Variants in PDE6A observed in about 807,000 individuals in gnomAD.
PDE6A encodes phosphodiesterase 6A, also known as rod cGMP-specific 3',5'-cyclic phosphodiesterase subunit alpha.
A neutral mutation model predicts 106.3 loss-of-function variants in PDE6A; 84 were observed. That is an observed-to-expected ratio of 0.79 (90% CI 0.66 to 0.95). The LOEUF is 0.95. PDE6A is among the 40% of genes least tolerant of loss of function. PDE6A has a pLI of 0.00. For synonymous variants in PDE6A, 394 were observed against 386.6 expected (o/e 1.02, Z -0.23); for missense variants, 1,052 against 1,084.9 (o/e 0.97, Z 0.43).
Position 149,860,723 on chromosome 5 carries a change from C to T in PDE6A, c.*172G>A, listed in dbSNP as rs1229793145. On this transcript the variant is annotated 3_prime_UTR_variant, in exon 22 of 22. Transcript: ENST00000255266. ...TTATGTGTGACCCAAGACAATTCTT[C>T]CAATGTGGCCCAGGGAAGCCAAAAG... The T allele has an allele frequency of 3.6e-6, 2 of 553,032 alleles. No homozygotes were observed. The highest frequency in any genetic ancestry group is 3.8e-5 in the African/African-American group (2 of 53,146). 34.3% of individuals were successfully genotyped at this position (553,032 alleles called of 1,614,324 possible).
intron 19 of PDE6A, 57 bp from the exon 20 acceptor site, chr5:149,866,310 C>A: frequency 8.3e-7 from 1 of 1,202,122 alleles, no homozygotes; most frequent in Non-Finnish European, 1.2e-6. Context: ...CCTACCCTAT[C>A]TATGAAGCAT....
chr5:149,874,986 C>T (rs944606907), intron 17 of PDE6A, among the ~76,000 whole-genome samples: 1 of 152,080 alleles, frequency 6.6e-6, no homozygotes, highest in Admixed American at 6.6e-5. Flanking sequence ...GGGAGTAAGT[C>T]ACCTGCTTGA....
Position 149,888,469 on chromosome 5 carries a change from ATAAT to A in PDE6A, c.1729-2099_1729-2096del, listed in dbSNP as rs200451947. 1.8e-3 allele frequency among the ~76,000 whole-genome samples: 272 copies of A among 148,270 alleles called. 3 individuals are homozygous for A. The highest frequency in any genetic ancestry group is 7.1e-3 in the Middle Eastern group (2 of 280). ...TTTCTTTATTTAGAATTCTTAACAC[ATAAT>A]TAATATGTTATTTATAATATATTAA... is the stretch of plus-strand genomic sequence containing the variant. On this transcript the variant is annotated intron_variant, in intron 13 of 21. Coordinates refer to ENST00000255266, the MANE Select transcript of PDE6A (RefSeq NM_000440.3).
At chr5:149,937,760 GC>G (rs1754225005) in intron 1 of PDE6A, among the ~76,000 whole-genome samples, 1 of 152,144 alleles carries the variant, frequency 6.6e-6, no homozygotes, top group South Asian at 2.1e-4. Context: ...ACAGTGCCAA[GC>G]TCTGTTGCAT....
chr5:149,884,306 G>GTGTATATA (rs1387921259), intron 16 of PDE6A, among the ~76,000 whole-genome samples, 173 bp downstream of exon 16: 1 of 144,638 alleles, frequency 6.9e-6, no homozygotes. Context: ...ATGTATATAT[G>GTGTATATA]TGTATATATG....
chr5:149,939,361 C>T (rs1051683580), intron 1 of PDE6A, among the ~76,000 whole-genome samples: 1 of 152,130 alleles, frequency 6.6e-6, no homozygotes, highest in Non-Finnish European at 1.5e-5. Flanking sequence ...AATCCTCAAT[C>T]CCTTAACACC....
chr5:149,929,441 C>T (rs896557795), intron 4 of PDE6A, among the ~76,000 whole-genome samples: 1 of 151,978 alleles, frequency 6.6e-6, no homozygotes, highest in Admixed American at 6.6e-5. Context: ...CCCGTCTCTA[C>T]TAAAAATACA....
chr5:149,868,808 A>G (rs1760428724), intron 17 of PDE6A, among the ~76,000 whole-genome samples: 1 of 152,158 alleles, frequency 6.6e-6, no homozygotes, highest in African/African-American at 2.4e-5. Context: ...TACCTCAAGA[A>G]TCACTTTTTG....
chr5:149,872,458 T>C (rs945662673), intron 17 of PDE6A, among the ~76,000 whole-genome samples: 21 of 152,264 alleles, frequency 1.4e-4, no homozygotes, highest in African/African-American at 4.8e-4. Flanking sequence ...CCCTCGTGTG[T>C]AGAGCTCTCA....
At chr5:149,932,318 T>A in intron 3 of PDE6A, 1 of 1,444,928 alleles carries the variant, frequency 6.9e-7, no homozygotes, top group Non-Finnish European at 9.8e-7. Flanking sequence ...CACGGATTTC[T>A]TCATTTTGAG....
At position 149,883,443 on chromosome 5, in the gene PDE6A, C is replaced by T; in HGVS notation, c.2121G>A (p.Arg707=). 1 of 1,611,748 alleles carries T rather than the reference C, an allele frequency of 6.2e-7. No homozygotes were observed. Among genetic ancestry groups the T allele is most frequent in the Non-Finnish European group, 8.5e-7 (1 of 1,177,834 alleles). Residue 707 remains arginine, a synonymous_variant, in exon 17 of 22, where the codon CGG becomes CGA. Transcript: ENST00000255266. ...WTQYMMLEQT[R]KEIVMAMMMT... ...TCCCAACTCACATAACGATTTCCTTCCGTGTCTGCTCCAGCATCATGTACT... is the reference window on the plus strand; with the variant it reads ...TCCCAACTCACATAACGATTTCCTTTCGTGTCTGCTCCAGCATCATGTACT...
intron 4 of PDE6A, among the ~76,000 whole-genome samples, chr5:149,926,258 TA>T (rs891062566): frequency 9.9e-5 from 15 of 151,566 alleles, no homozygotes; most frequent in Admixed American, 3.3e-4. Flanking sequence ...AAAAATTAAT[TA>T]AAAAAAACAT....
intron 14 of PDE6A, among the ~76,000 whole-genome samples, chr5:149,886,002 A>G (rs1267952639): frequency 6.6e-6 from 1 of 152,230 alleles, no homozygotes; most frequent in African/African-American, 2.4e-5. Context: ...CTGTATCTCA[A>G]GATCCTCGAC....
At chr5:149,881,401 A>G (rs1214372545) in intron 17 of PDE6A, among the ~76,000 whole-genome samples, 1 of 152,230 alleles carries the variant, frequency 6.6e-6, no homozygotes, top group Non-Finnish European at 1.5e-5. Flanking sequence ...CGTGCCATGG[A>G]ATACTACACA....
chr5:149,922,372 C>A (rs867992100), intron 4 of PDE6A, among the ~76,000 whole-genome samples: 18 of 152,122 alleles, frequency 1.2e-4, no homozygotes, highest in African/African-American at 4.3e-4. Context: ...AGTGCAGTGG[C>A]TCCATCTCAG....
At position 149,931,241 on chromosome 5, in the gene PDE6A, A is replaced by G. The variant is rs2113656598; in HGVS notation, c.718-73T>C. On this transcript the variant is annotated intron_variant, in intron 3 of 21. Transcript: ENST00000255266. ...TAGCTCACTTAGCTGGAGAATAACA[A>G]CAATTCTGTAAAGTTGTCTGGAGTT... 2.8e-6 allele frequency: 4 copies of G among 1,411,644 alleles called. No individual in the cohort carries two copies. In the South Asian group the frequency reaches 3.5e-5, roughly 12 times the overall value. 87.4% of individuals were successfully genotyped at this position (1,411,644 alleles called of 1,614,324 possible). A position where few individuals can be genotyped will look rare whatever the true frequency, so the allele number is the denominator to read the frequency against.
Position 149,883,454 on chromosome 5 carries a change from C to G in PDE6A, c.2110G>C (p.Glu704Gln), listed in dbSNP as rs1463500898. The G allele has an allele frequency of 1.2e-6, 2 of 1,613,172 alleles. No homozygotes were observed. Among genetic ancestry groups the G allele is most frequent in the South Asian group, 1.1e-5 (1 of 91,060 alleles). The change falls in exon 17 of 22, where the codon GAG (glutamate) becomes CAG (glutamine). Residue 704 changes from glutamate to glutamine, a missense_variant. Around this residue, in one of 3 missense-constraint regions of PDE6A, gnomAD observed 913 missense variants for 915.2 expected, o/e 1.00. Coordinates refer to ENST00000255266, the MANE Select transcript of PDE6A (RefSeq NM_000440.3). The part of the protein sequence containing the change: ...EQEWTQYMML[E>Q]QTRKEIVMAM... ...ATAACGATTTCCTTCCGTGTCTGCT[C>G]CAGCATCATGTACTGTGTCCACTCC...
At position 149,906,519 on chromosome 5, in the gene PDE6A, CAA is replaced by C. The variant is rs560905491; in HGVS notation, c.1065+791_1065+792del. Among the ~76,000 whole-genome samples, 256 of 54,218 alleles carry C rather than the reference CAA, an allele frequency of 4.7e-3. 13 individuals carry two copies. The highest frequency in any genetic ancestry group is 0.012 in the African/African-American group (195 of 16,248). 35.6% of individuals were successfully genotyped at this position (54,218 alleles called of 152,430 possible). A position where few individuals can be genotyped will look rare whatever the true frequency, so the allele number is the denominator to read the frequency against. Reference sequence around the variant, plus strand: ...CCAGCCTGGGCAACAGAGACACTGTCAAAAAAAAAAAAAAAAAAATCCCACCT... The same window carrying C: ...CCAGCCTGGGCAACAGAGACACTGTCAAAAAAAAAAAAAAAAATCCCACCT... On this transcript the variant is annotated intron_variant, in intron 7 of 21. Coordinates refer to ENST00000255266, the MANE Select transcript of PDE6A (RefSeq NM_000440.3).
intron 13 of PDE6A, among the ~76,000 whole-genome samples, chr5:149,894,780 G>A (rs562289709): frequency 2.6e-5 from 4 of 151,840 alleles, no homozygotes; most frequent in East Asian, 2.0e-4. Flanking sequence ...ACAGGTGCCC[G>A]CCACCACGCC....
Sources: gnomAD v4.1 joint callset for allele counts (sites outside exome capture counted in the v4.1 genomes callset) on GRCh38, gnomAD v4.1.1 for gene constraint, gnomAD v4.1.1 regional missense constraint, MANE v1.5 for transcripts, NCBI Gene and HGNC (gene_info 2026-07-23, HGNC 2026-07-21) for gene names.